IGSF11: variants seen among roughly 807,000 people sequenced by gnomAD.
IGSF11 encodes the protein CXADR like 1.
IGSF11 carries 22 observed loss-of-function variants against 41.0 expected under a neutral mutation model. The ratio of observed to expected loss-of-function variants is 0.54; its 90% CI spans 0.38 to 0.77. IGSF11 has a LOEUF of 0.77. Among genes scored for constraint, IGSF11 ranks in the 30% least tolerant of loss-of-function variants. IGSF11 has a pLI of 0.00. For synonymous variants in IGSF11, 219 were observed against 201.3 expected, an observed-to-expected ratio of 1.09 and a Z score of -0.74; for missense variants, 444 against 530.8, an observed-to-expected ratio of 0.84 and a Z score of 1.61.
intron 1 of IGSF11, among the ~76,000 whole-genome samples, chr3:119,087,984 T>C (rs1371404433): frequency 6.6e-6 from 1 of 152,098 alleles, no homozygotes; most frequent in East Asian, 1.9e-4. Context: ...CGTGGGAGAC[T>C]GCCACACCCC....
intron 1 of IGSF11, among the ~76,000 whole-genome samples, chr3:119,073,927 G>A (rs148648100): frequency 2.9e-3 from 440 of 152,336 alleles, no homozygotes; most frequent in African/African-American, 9.5e-3. Flanking sequence ...AAGAGTGAGC[G>A]AGGGACGCGA....
intron 1 of IGSF11, among the ~76,000 whole-genome samples, chr3:119,003,694 G>C (rs916744655): frequency 6.6e-6 from 1 of 151,790 alleles, no homozygotes; most frequent in Non-Finnish European, 1.5e-5. Flanking sequence ...TTTTGTCAAA[G>C]GCTTTTTCTG....
rs1016188340 is a variant in IGSF11, at chr3:119,076,001, C to T, written c.49+29143G>A. 5.3e-5 allele frequency among the ~76,000 whole-genome samples: 8 copies of T among 152,174 alleles called. 1 individual carries two copies. In the South Asian group the frequency reaches 6.2e-4, roughly 12 times the overall value. On this transcript the variant is annotated intron_variant, in intron 1 of 6. Coordinates refer to the IGSF11 transcript ENST00000354673. ...AAGCTGGAGGCATCACGCTACCTGA[C>T]TTCAAACTATACTACAAGGCTACAG...
Position 119,131,924 on chromosome 3 carries a change from A to G in IGSF11, c.-14+13889T>C, listed in dbSNP as rs560003023. Among the ~76,000 whole-genome samples the G allele has an allele frequency of 1.9e-4, 29 of 152,312 alleles. 1 individual carries two copies. Among genetic ancestry groups the G allele is most frequent in the Admixed American group, 1.6e-3 (25 of 15,300 alleles). ...ACACTCTTGAAGAAAAGAATTTTCA[A>G]CCCAGAATTTCATATCCAGCCAAAC... is the stretch of plus-strand genomic sequence containing the variant. On this transcript the variant is annotated intron_variant, in intron 1 of 7. Transcript: ENST00000425327.
intron 5 of IGSF11, 152 bp downstream of exon 5, chr3:118,905,444 A>G: frequency 1.2e-6 from 1 of 820,302 alleles, no homozygotes; most frequent in South Asian, 2.0e-5. Context: ...AAACATTTAT[A>G]AACAATTTTC....
In IGSF11 at chr3:119,006,252, G is replaced by A. The variant is rs370365672; in HGVS notation, c.52+28279C>T. 5.2e-4 allele frequency among the ~76,000 whole-genome samples: 63 copies of A among 120,018 alleles called. 2 individuals carry two copies. The highest frequency in any genetic ancestry group is 8.4e-4 in the Admixed American group (10 of 11,902). The allele number at this position is 120,018 out of a possible 152,430, so 78.7% of individuals were successfully genotyped here. On this transcript the variant is annotated intron_variant, in intron 1 of 6. Transcript: ENST00000393775. Reference sequence around the variant, plus strand: ...CTGATACCCTTTCTTCCAGTTGATCGCATCGGCTCCTGAGGCTTCTGCATT... The same window carrying A: ...CTGATACCCTTTCTTCCAGTTGATCACATCGGCTCCTGAGGCTTCTGCATT...
chr3:118,913,971 C>A (rs971395781), intron 4 of IGSF11, among the ~76,000 whole-genome samples: 27 of 152,088 alleles, frequency 1.8e-4, no homozygotes, highest in African/African-American at 6.3e-4. Context: ...AGAGAAAGAA[C>A]TGATGAGACG....
intron 1 of IGSF11, among the ~76,000 whole-genome samples, chr3:118,995,677 G>C (rs1327531705): frequency 6.6e-6 from 1 of 152,058 alleles, no homozygotes; most frequent in African/African-American, 2.4e-5. Context: ...TTTTGAGACA[G>C]AGTCTCGCTC....
chr3:119,122,866 C>A (rs1267565860), intron 1 of IGSF11, among the ~76,000 whole-genome samples: 1 of 152,164 alleles, frequency 6.6e-6, no homozygotes, highest in African/African-American at 2.4e-5. Context: ...CTCTGTGAGT[C>A]TTGGGGAGAC....
rs527270938 is a variant in IGSF11 at position 119,103,709 on chromosome 3, A to T, written c.49+1435T>A. On this transcript the variant is annotated intron_variant, in intron 1 of 6. Coordinates refer to the IGSF11 transcript ENST00000354673. ...CACCCTGTACCACTAATGAAATAAA[A>T]TGTAAAACTCAGATATGGCCTATTA... 2.0e-5 allele frequency among the ~76,000 whole-genome samples: 3 copies of T among 152,092 alleles called. No homozygotes were observed. The South Asian group carries it at 6.2e-4, about 32-fold the overall frequency.
intron 1 of IGSF11, among the ~76,000 whole-genome samples, chr3:118,986,219 G>A (rs1261681294): frequency 6.6e-6 from 1 of 152,088 alleles, no homozygotes; most frequent in Non-Finnish European, 1.5e-5. Flanking sequence ...CCCGCTGAAT[G>A]AGAGCAAGTG....
At chr3:119,073,098 T>C (rs774858880) in intron 1 of IGSF11, among the ~76,000 whole-genome samples, 3 of 152,238 alleles carry the variant, frequency 2.0e-5, no homozygotes, top group East Asian at 1.9e-4. Flanking sequence ...AGAGTGGTGA[T>C]TGGTGTGTTT....
intron 1 of IGSF11, among the ~76,000 whole-genome samples, chr3:118,982,124 G>A (rs1414442050): frequency 2.6e-5 from 4 of 152,096 alleles, no homozygotes; most frequent in Non-Finnish European, 4.4e-5. Context: ...CCTGTAAGAG[G>A]GAAACCTGGT....
At chr3:119,054,777 G>C (rs1239860386) in intron 1 of IGSF11, among the ~76,000 whole-genome samples, 1 of 152,166 alleles carries the variant, frequency 6.6e-6, no homozygotes, top group African/African-American at 2.4e-5. Context: ...TATGGAACCA[G>C]CCTAAATGCC....
chr3:119,030,748 G>A (rs1039686659), intron 1 of IGSF11, among the ~76,000 whole-genome samples: 4 of 152,072 alleles, frequency 2.6e-5, no homozygotes, highest in Non-Finnish European at 4.4e-5. Flanking sequence ...GATGGTGTGG[G>A]GGCAGTTTTC....
chr3:119,035,815 G>C (rs1054564619), upstream of IGSF11, among the ~76,000 whole-genome samples: 5 of 152,032 alleles, frequency 3.3e-5, no homozygotes, highest in Non-Finnish European at 7.3e-5. Flanking sequence ...TAAATTTGAG[G>C]ACATACCTGC....
intron 1 of IGSF11, among the ~76,000 whole-genome samples, chr3:119,091,769 T>C (rs1576787968): frequency 6.6e-6 from 1 of 152,024 alleles, no homozygotes; most frequent in Non-Finnish European, 1.5e-5. Flanking sequence ...ACCTGGGTGA[T>C]AGGATCCATA....
intron 3 of IGSF11, among the ~76,000 whole-genome samples, chr3:118,928,033 G>A (rs1326959413): frequency 6.6e-6 from 1 of 152,132 alleles, no homozygotes; most frequent in Non-Finnish European, 1.5e-5. Flanking sequence ...ACTTGGGGGA[G>A]TAAAAGGAGG....
chr3:119,046,488 A>G (rs1295252538), intron 1 of IGSF11, among the ~76,000 whole-genome samples: 1 of 152,066 alleles, frequency 6.6e-6, no homozygotes, highest in Non-Finnish European at 1.5e-5. Flanking sequence ...GAAATATGGG[A>G]CTATGTGAAA....
Sources: gnomAD v4.1 joint callset for allele counts (sites outside exome capture counted in the v4.1 genomes callset) on GRCh38, gnomAD v4.1.1 for gene constraint, MANE v1.5 for transcripts, NCBI Gene and HGNC (gene_info 2026-07-23, HGNC 2026-07-21) for gene names.